Variants in SLC7A10 observed in about 807,000 individuals in gnomAD.
SLC7A10 encodes solute carrier family 7 member 10, also known as asc-type amino acid transporter 1.
In SLC7A10, 30 loss-of-function variants were observed where a neutral mutation model predicts 52.7. The observed-to-expected ratio is 0.57, with a 90% confidence interval of 0.43 to 0.77. The LOEUF (loss-of-function observed/expected upper bound fraction) is 0.77, where lower values mean the gene tolerates loss of function less well. Among genes scored for constraint, SLC7A10 ranks in the 30% least tolerant of loss-of-function variants. SLC7A10 has a pLI of 0.00. For synonymous variants in SLC7A10, 318 were observed against 314.9 expected (o/e 1.01, Z -0.10); for missense variants, 581 against 698.5 (o/e 0.83, Z 1.90).
chr19:33,215,707 G>A (rs1204989919), intron 2 of SLC7A10, 62 bp downstream of exon 2: 1 of 1,492,910 alleles, frequency 6.7e-7, no homozygotes, highest in African/African-American at 1.4e-5. Flanking sequence ...TGATGCCAGG[G>A]CTCATTTGGC....
In SLC7A10 at chr19:33,211,291, A is replaced by T; in HGVS notation, c.950T>A (p.Val317Asp). The T allele has an allele frequency of 6.2e-7, 1 of 1,613,892 alleles. No individual in the cohort carries two copies. Among genetic ancestry groups the T allele is most frequent in the Middle Eastern group, 1.6e-4 (1 of 6,062 alleles). ...GEKLLGYFSW[V>D]MPVSVALSTF... ...TGACAGAGCCACGGAGACAGGCATG[A>T]CCCAAGAAAAGTAGCCCAGCAGCTT... The change falls in exon 7 of 11, where the codon GTC becomes GAC. Residue 317 changes from valine (V) to aspartate (D), a missense_variant. Transcript: ENST00000253188.
rs557602664 is a variant in SLC7A10 at position 33,225,535 on chromosome 19, C to T, written c.151+18G>A. ...ATTCGGCCTCCGCCCGGCGCCCGCCCGCCTGGGTCCCGCTCACCGATGATG... is the reference window on the plus strand; with the variant it reads ...ATTCGGCCTCCGCCCGGCGCCCGCCTGCCTGGGTCCCGCTCACCGATGATG... On this transcript the variant is annotated intron_variant, in intron 1 of 10. Coordinates refer to ENST00000253188, the MANE Select transcript of SLC7A10 (RefSeq NM_019849.3). 29 of 1,595,574 alleles carry T rather than the reference C, an allele frequency of 1.8e-5. 1 individual carries two copies. In the South Asian group the frequency reaches 2.8e-4, roughly 15 times the overall value.
chr19:33,210,772 G>A lies in SLC7A10; in HGVS notation c.1113+30C>T, dbSNP rs756089222. On this transcript the variant is annotated intron_variant, in intron 8 of 10. Transcript: ENST00000253188. This position sits in a 1 kb window ranked among gnomAD's most constrained non-coding sequence, Gnocchi z 5.6. ...CATTGCCGGGTAGCCCTGCCTCCAC[G>A]CCCTGCCTGGCCCAGGTCCCCCAAC... The A allele has an allele frequency of 8.1e-6, 13 of 1,610,862 alleles. No homozygotes were observed. Among genetic ancestry groups the A allele is most frequent in the South Asian group, 4.4e-5 (4 of 91,036 alleles).
chr19:33,224,713 C>T (rs1351147025), intron 1 of SLC7A10, among the ~76,000 whole-genome samples: 1 of 152,216 alleles, frequency 6.6e-6, no homozygotes, highest in African/African-American at 2.4e-5. Context: ...AGAAACAAGT[C>T]AGTATCCATG....
rs984137654 is a variant in SLC7A10 at position 33,225,762 on chromosome 19, C to T, written c.-59G>A. 5 of 1,436,080 alleles carry T rather than the reference C, an allele frequency of 3.5e-6. No individual in the cohort carries two copies. The highest frequency in any genetic ancestry group is 3.6e-6 in the Non-Finnish European group (4 of 1,099,740). The allele number at this position is 1,436,080 out of a possible 1,614,324, so 89.0% of individuals were successfully genotyped here. ...TGCCCCGTCTGTCCGGCCGGCCGCC[C>T]GTCGGTCCGTCGGTCCGTGAGCTCA... On this transcript the variant is annotated 5_prime_UTR_variant, in exon 1 of 11. Transcript: ENST00000253188.
intron 1 of SLC7A10, among the ~76,000 whole-genome samples, chr19:33,216,780 C>G (rs561547002): frequency 6.6e-6 from 1 of 152,152 alleles, no homozygotes. Context: ...GGGTTTCACC[C>G]TGTGGATCAG....
At position 33,208,854 on chromosome 19, in the gene SLC7A10, G is replaced by A. The variant is rs1201611578; in HGVS notation, c.*37C>T. The A allele has an allele frequency of 5.2e-6, 8 of 1,540,022 alleles. No individual in the cohort carries two copies. The highest frequency in any genetic ancestry group is 3.5e-5 in the Admixed American group (2 of 57,482). The stretch of plus-strand genomic sequence containing the variant: ...AAAACACCTCCTCAATAAACAACAT[G>A]TAAACAGAAACAACTGCTTCAGTCT... On this transcript the variant is annotated 3_prime_UTR_variant, in exon 11 of 11. Coordinates refer to ENST00000253188, the MANE Select transcript of SLC7A10 (RefSeq NM_019849.3). This position sits in a 1 kb window ranked among gnomAD's most constrained non-coding sequence, Gnocchi z 4.7.
intron 2 of SLC7A10, among the ~76,000 whole-genome samples, chr19:33,213,563 C>T (rs1974606681): frequency 6.6e-6 from 1 of 152,222 alleles, no homozygotes; most frequent in Non-Finnish European, 1.5e-5. Context: ...GTTGGGATTA[C>T]AGGCGTGAGC....
chr19:33,213,909 G>A, intron 2 of SLC7A10, among the ~76,000 whole-genome samples: 1 of 152,130 alleles, frequency 6.6e-6, no homozygotes. Context: ...TGCCCTTGGG[G>A]GTGGTCCTAG....
At chr19:33,222,749 C>T (rs1038591997) in intron 1 of SLC7A10, among the ~76,000 whole-genome samples, 1 of 152,238 alleles carries the variant, frequency 6.6e-6, no homozygotes, top group Admixed American at 6.5e-5. Context: ...CCAGCCAGTT[C>T]TATTTCCTCC....
intron 1 of SLC7A10, among the ~76,000 whole-genome samples, chr19:33,222,726 C>T (rs886850985): frequency 3.3e-5 from 5 of 152,188 alleles, no homozygotes; most frequent in African/African-American, 1.2e-4. Flanking sequence ...TGATGTCCTG[C>T]AGAGCCCCTG....
chr19:33,214,217 G>A (rs1235864572), intron 2 of SLC7A10, among the ~76,000 whole-genome samples: 1 of 152,132 alleles, frequency 6.6e-6, no homozygotes. Flanking sequence ...GACTGCCACA[G>A]ATGCACCCAC....
At chr19:33,218,671 T>TTTCTTTCTTTCTCTCTCTC (rs369226143) in intron 1 of SLC7A10, among the ~76,000 whole-genome samples, 27 of 78,308 alleles carry the variant, frequency 3.4e-4, no homozygotes, top group Non-Finnish European at 5.9e-4. Context: ...ATTTCTTTCT[T>TTTCTTTCTTTCTCTCTCTC]TCTTTCTTTC....
At chr19:33,216,422 C>T (rs1974685716) in intron 1 of SLC7A10, among the ~76,000 whole-genome samples, 1 of 152,214 alleles carries the variant, frequency 6.6e-6, no homozygotes, top group Non-Finnish European at 1.5e-5. Flanking sequence ...CTTGTCCTGC[C>T]TCCATCCAGC....
intron 7 of SLC7A10, 85 bp downstream of exon 7, chr19:33,211,140 C>T: frequency 7.5e-7 from 1 of 1,334,254 alleles, no homozygotes; most frequent in East Asian, 2.3e-5. Context: ...CGGCAGGTGT[C>T]CCTTCCTCTG....
At position 33,208,964 on chromosome 19, in the gene SLC7A10, G is replaced by C. The variant is rs201028532; in HGVS notation, c.1499C>G (p.Pro500Arg). 2.5e-6 allele frequency: 4 copies of C among 1,613,866 alleles called. No homozygotes were observed. The African/African-American group carries it at 4.0e-5, about 16-fold the overall frequency. ...GCAGGGGCCATTCTCCTCCTCTTCG[G>C]GGGCGTCCTGGGGGTAGACCACGAA... The part of the protein sequence containing the change: ...LCFVVYPQDA[P>R]EEEENGPCPP... The change falls in exon 11 of 11, where the codon CCC (proline) becomes CGC (arginine). Residue 500 changes from proline to arginine, a missense_variant. Coordinates refer to ENST00000253188, the MANE Select transcript of SLC7A10 (RefSeq NM_019849.3). The surrounding 1 kb of genome is among the most constrained non-coding windows in gnomAD (Gnocchi z 4.7).
intron 3 of SLC7A10, 72 bp downstream of exon 3, chr19:33,212,776 GTCC>G (rs1465049112): frequency 2.5e-6 from 4 of 1,606,306 alleles, no homozygotes; most frequent in East Asian, 2.2e-5. Flanking sequence ...TCACCCCTCT[GTCC>G]TCCTGCTCAG....
intron 1 of SLC7A10, among the ~76,000 whole-genome samples, chr19:33,218,683 T>TCCTTCCTTCCTTCCTTCCTTCCTTCC (rs1555733796): frequency 1.2e-3 from 39 of 31,892 alleles, no homozygotes; most frequent in Admixed American, 1.9e-3. Context: ...CTTTCTTTCT[T>TCCTTCCTTCCTTCCTTCCTTCCTTCC]TTTTTTTTTT....
intron 2 of SLC7A10, 90 bp downstream of exon 2, chr19:33,215,679 G>T: frequency 7.9e-7 from 1 of 1,271,904 alleles, no homozygotes; most frequent in Non-Finnish European, 1.0e-6. Flanking sequence ...CTAGGAAGCC[G>T]GAAGCAGGAG....
Sources: gnomAD v4.1 joint callset for allele counts (sites outside exome capture counted in the v4.1 genomes callset) on GRCh38, gnomAD v4.1.1 for gene constraint, Gnocchi (gnomAD v3.1) non-coding constraint, MANE v1.5 for transcripts, NCBI Gene and HGNC (gene_info 2026-07-23, HGNC 2026-07-21) for gene names.